Variants in CUX1 observed in about 807,000 individuals in gnomAD.
CUX1 encodes cut like homeobox 1, also known as protein CASP.
A neutral mutation model predicts 158.8 loss-of-function variants in CUX1; 31 were observed. The ratio of observed to expected loss-of-function variants is 0.20; its 90% confidence interval spans 0.15 to 0.26. The LOEUF (loss-of-function observed/expected upper bound fraction) is 0.26, where lower values mean the gene tolerates loss of function less well. Ranked by LOEUF, CUX1 falls within the 10% of genes least tolerant of loss-of-function variation. The pLI is 1.00. For missense variants in CUX1, 1,589 were observed against 2,014.6 expected (o/e 0.79, Z 4.04); for synonymous variants, 879 against 862.1 (o/e 1.02, Z -0.34).
chr7:101,997,642 C>T (rs1816126517), intron 2 of CUX1, among the ~76,000 whole-genome samples: 1 of 152,142 alleles, frequency 6.6e-6, no homozygotes, highest in African/African-American at 2.4e-5. Flanking sequence ...CCAGGCCCAG[C>T]TAACTTTTCA....
At position 102,248,948 on chromosome 7, in the gene CUX1, C is replaced by T; in HGVS notation, c.4424C>T (p.Pro1475Leu). 1 of 1,487,732 alleles carries T rather than the reference C, an allele frequency of 6.7e-7. No homozygotes were observed. The highest frequency in any genetic ancestry group is 9.0e-7 in the Non-Finnish European group (1 of 1,114,064). 92.2% of individuals were successfully genotyped at this position (1,487,732 alleles called of 1,614,324 possible). A position where few individuals can be genotyped will look rare whatever the true frequency, so the allele number is the denominator to read the frequency against. ...AAGARDSRDNPLRKKKAANLN... is the reference protein window; with the variant it reads ...AAGARDSRDNLLRKKKAANLN... ...GGCGCCCGGGACTCGCGCGACAACC[C>T]CCTGCGCAAGAAGAAGGCCGCGAAC... Residue 1475 changes from proline to leucine, a missense_variant, in exon 24 of 24, where the codon CCC becomes CTC. By Grantham distance (98) the Pro-to-Leu change is moderately conservative. Coordinates refer to ENST00000292535, the MANE Select transcript of CUX1 (RefSeq NM_181552.4). This position sits in a 1 kb window ranked among gnomAD's most constrained non-coding sequence, Gnocchi z 5.8.
chr7:101,939,329 A>G (rs1406126830), intron 2 of CUX1, among the ~76,000 whole-genome samples: 1 of 151,904 alleles, frequency 6.6e-6, no homozygotes, highest in Admixed American at 6.6e-5. Context: ...GGCCGCTGTC[A>G]GTGCCAAGTA....
intron 8 of CUX1, among the ~76,000 whole-genome samples, chr7:102,158,243 C>G (rs1554505896): frequency 1.3e-5 from 2 of 152,184 alleles, no homozygotes; most frequent in South Asian, 2.1e-4. Context: ...TCAGAGCACT[C>G]TGCTCAGAGC....
Position 102,282,609 on chromosome 7 carries a change from G to T in CUX1, c.1903-103G>T, listed in dbSNP as rs143391433. 4.8e-6 allele frequency: 6 copies of T among 1,241,746 alleles called. 1 individual carries two copies. The highest frequency in any genetic ancestry group is 1.5e-5 in the African/African-American group (1 of 67,054). The allele number at this position is 1,241,746 out of a possible 1,614,324, so 76.9% of individuals were successfully genotyped here. Reference sequence around the variant, plus strand: ...AGACCCACCCGCCCCGGAGTCTGGGGCTCGAGAACCTTTATGTTCCAGGCC... The same window carrying T: ...AGACCCACCCGCCCCGGAGTCTGGGTCTCGAGAACCTTTATGTTCCAGGCC... On this transcript the variant is annotated intron_variant, in intron 21 of 22. Coordinates refer to the CUX1 transcript ENST00000292538.
intron 2 of CUX1, among the ~76,000 whole-genome samples, chr7:102,021,337 C>G (rs1020157367): frequency 1.3e-5 from 2 of 152,082 alleles, no homozygotes; most frequent in Non-Finnish European, 2.9e-5. Context: ...GAGACAGGGT[C>G]TTGCTCTGTC....
intron 1 of CUX1, among the ~76,000 whole-genome samples, chr7:101,887,842 CATTT>C (rs1427847801): frequency 5.2e-5 from 7 of 135,038 alleles, no homozygotes; most frequent in Non-Finnish European, 9.5e-5. Flanking sequence ...ATGACGGTGA[CATTT>C]TTTTTTTTTT....
intron 8 of CUX1, among the ~76,000 whole-genome samples, chr7:102,121,656 A>C (rs1208792237): frequency 1.3e-5 from 2 of 152,090 alleles, no homozygotes; most frequent in East Asian, 1.9e-4. Flanking sequence ...CTTTGTTTAC[A>C]TACTGTTCTG....
intron 17 of CUX1, among the ~76,000 whole-genome samples, chr7:102,276,354 T>G (rs1732508637): frequency 6.6e-6 from 1 of 152,190 alleles, no homozygotes; most frequent in Non-Finnish European, 1.5e-5. Context: ...CAGGCTGGAG[T>G]GCAGTGGCAC....
chr7:102,238,816 G>A (rs1012411264), intron 22 of CUX1, among the ~76,000 whole-genome samples: 3 of 152,216 alleles, frequency 2.0e-5, no homozygotes, highest in South Asian at 2.1e-4. Flanking sequence ...CTGACATTCC[G>A]TCAGAGCAGG....
At chr7:102,054,414 G>C (rs919870580) in intron 3 of CUX1, among the ~76,000 whole-genome samples, 4 of 152,122 alleles carry the variant, frequency 2.6e-5, no homozygotes, top group Non-Finnish European at 5.9e-5. Context: ...TTGAAACACT[G>C]TTCTTTTACC....
At chr7:102,159,416 C>T (rs1009072247) in intron 9 of CUX1, among the ~76,000 whole-genome samples, 13 of 152,214 alleles carry the variant, frequency 8.5e-5, no homozygotes, top group African/African-American at 1.2e-4. Flanking sequence ...AGGCACAGGA[C>T]GCATCTTAAC....
At chr7:102,199,042 C>T (rs1049604142) in intron 16 of CUX1, among the ~76,000 whole-genome samples, 175 bp downstream of exon 16, 4 of 152,136 alleles carry the variant, frequency 2.6e-5, no homozygotes, top group South Asian at 2.1e-4. Flanking sequence ...CCCTTCCTCC[C>T]GAGCTGCCTG....
At chr7:101,828,024 T>C (rs1276023157) in intron 1 of CUX1, among the ~76,000 whole-genome samples, 2 of 147,932 alleles carry the variant, frequency 1.4e-5, no homozygotes, top group Admixed American at 6.9e-5. Context: ...TCACCCAGGC[T>C]GGAGTGCGGT....
chr7:102,126,474 G>T (rs1329540694), intron 8 of CUX1, among the ~76,000 whole-genome samples: 1 of 151,874 alleles, frequency 6.6e-6, no homozygotes, highest in Non-Finnish European at 1.5e-5. Context: ...TAACATTTTG[G>T]CCTATTTCCA....
At chr7:102,074,305 G>C (rs990833721) in intron 4 of CUX1, among the ~76,000 whole-genome samples, 4 of 152,200 alleles carry the variant, frequency 2.6e-5, no homozygotes, top group African/African-American at 9.7e-5. Context: ...TAATGCAACA[G>C]GCATTCCAGC....
chr7:102,242,391 A>G (rs1800327426), intron 23 of CUX1, among the ~76,000 whole-genome samples: 1 of 151,802 alleles, frequency 6.6e-6, no homozygotes, highest in Non-Finnish European at 1.5e-5. Context: ...TTGTATTTCT[A>G]GTAGAGACTG....
chr7:102,019,226 T>C (rs1404271168), intron 2 of CUX1, among the ~76,000 whole-genome samples: 2 of 151,890 alleles, frequency 1.3e-5, no homozygotes, highest in Non-Finnish European at 2.9e-5. Context: ...GACAAGTCTT[T>C]TTTTGTTTGT....
intron 2 of CUX1, among the ~76,000 whole-genome samples, chr7:102,008,906 T>A (rs1266548632): frequency 6.6e-6 from 1 of 152,152 alleles, no homozygotes; most frequent in Non-Finnish European, 1.5e-5. Context: ...CAGAGGCCTC[T>A]CAGGTTCTTG....
intron 20 of CUX1, among the ~76,000 whole-genome samples, chr7:102,216,588 ACACACACTCC>A (rs1477228679): frequency 2.0e-5 from 1 of 49,586 alleles, no homozygotes; most frequent in Non-Finnish European, 3.9e-5. Context: ...ACTCTCCCAC[ACACACACTCC>A]CACACACACA....
Sources: gnomAD v4.1 joint callset for allele counts (sites outside exome capture counted in the v4.1 genomes callset) on GRCh38, gnomAD v4.1.1 for gene constraint, Gnocchi (gnomAD v3.1) non-coding constraint, MANE v1.5 for transcripts, NCBI Gene and HGNC (gene_info 2026-07-23, HGNC 2026-07-21) for gene names.